The following PLA2G6 variants were observed in gnomAD, a reference collection of about 807,000 sequenced individuals.
PLA2G6 encodes the protein 85/88 kDa calcium-independent phospholipase A2.
A neutral mutation model predicts 83.8 loss-of-function variants in PLA2G6; 62 were observed. The ratio of observed to expected loss-of-function variants is 0.74; its 90% CI spans 0.60 to 0.91. The LOEUF (loss-of-function observed/expected upper bound fraction) is 0.91, where lower values mean the gene tolerates loss of function less well. Ranked by LOEUF, PLA2G6 falls within the 40% of genes least tolerant of loss-of-function variation. The probability of loss-of-function intolerance (pLI) is 0.00; values close to 1 mark genes in which losing one functional copy is unlikely to be tolerated. For synonymous variants in PLA2G6, 417 were observed against 449.8 expected, an observed-to-expected ratio of 0.93 and a Z score of 0.92; for missense variants, 944 against 1,102.0, an observed-to-expected ratio of 0.86 and a Z score of 2.03.
At chr22:38,139,857 G>A in intron 5 of PLA2G6, 125 bp downstream of exon 5, 1 of 770,984 alleles carries the variant, frequency 1.3e-6, no homozygotes, top group South Asian at 1.6e-5. Context: ...GTGAACCCGG[G>A]GCCTCTGCTC....
At chr22:38,152,708 G>A (rs1320835647) in intron 2 of PLA2G6, among the ~76,000 whole-genome samples, 1 of 152,194 alleles carries the variant, frequency 6.6e-6, no homozygotes, top group Non-Finnish European at 1.5e-5. Flanking sequence ...ACAAAAACAG[G>A]TAGTCAATGT....
At chr22:38,143,084 C>T (rs868281222) in intron 4 of PLA2G6, 21 bp downstream of exon 4, 3 of 1,612,684 alleles carry the variant, frequency 1.9e-6, no homozygotes, top group Non-Finnish European at 2.5e-6. Context: ...TACCAGTCAC[C>T]CTGCCCCTCC....
chr22:38,125,106 G>C (rs1450567251), intron 10 of PLA2G6, among the ~76,000 whole-genome samples: 1 of 150,322 alleles, frequency 6.7e-6, no homozygotes, highest in South Asian at 2.1e-4. Flanking sequence ...CCCTGCACAG[G>C]TGTGTGTATG....
In PLA2G6 at chr22:38,174,538, C is replaced by G. The variant is rs556519702; in HGVS notation, c.-45-5067G>C. On this transcript the variant is annotated intron_variant, in intron 1 of 16. Coordinates refer to ENST00000332509, the MANE Select transcript of PLA2G6 (RefSeq NM_003560.4). ...TTCATAAAACAGTCAACAGAGAGAC[C>G]CAAGACCAGTCCCTGTCTCGCCAAG... Among the ~76,000 whole-genome samples, 19 of 152,268 alleles carry G rather than the reference C, an allele frequency of 1.2e-4. No individual in the cohort carries two copies. In the South Asian group the frequency reaches 3.7e-3, roughly 30 times the overall value.
At position 38,129,305 on chromosome 22, in the gene PLA2G6, C is replaced by A. The variant is rs367803981; in HGVS notation, c.1186+149G>T. 67 of 690,372 alleles carry A rather than the reference C, an allele frequency of 9.7e-5. No homozygotes were observed. In the African/African-American group the frequency reaches 1.0e-3, roughly 11 times the overall value. 42.8% of individuals were successfully genotyped at this position (690,372 alleles called of 1,614,324 possible). A position where few individuals can be genotyped will look rare whatever the true frequency, so the allele number is the denominator to read the frequency against. On this transcript the variant is annotated intron_variant, in intron 8 of 16. Coordinates refer to ENST00000332509, the MANE Select transcript of PLA2G6 (RefSeq NM_003560.4). ...CCTTGTGCTTGGGTAAGGAAGCCCC[C>A]TCTCTGAGTACGAGGTGCTCCTGGC...
At chr22:38,143,343 G>T in intron 3 of PLA2G6, 55 bp from the exon 4 acceptor site, 1 of 1,558,132 alleles carries the variant, frequency 6.4e-7, no homozygotes, top group African/African-American at 1.3e-5. Flanking sequence ...CAAGGTGGCA[G>T]GGGGACCTAA....
intron 15 of PLA2G6, 62 bp from the exon 16 acceptor site, chr22:38,112,639 G>T: frequency 7.2e-7 from 1 of 1,383,058 alleles, no homozygotes; most frequent in South Asian, 1.2e-5. Context: ...CACCCCGCCC[G>T]GCCCTGCCCT....
chr22:38,124,111 A>G (rs1602100724), intron 10 of PLA2G6, among the ~76,000 whole-genome samples: 1 of 152,168 alleles, frequency 6.6e-6, no homozygotes, highest in Non-Finnish European at 1.5e-5. Flanking sequence ...CTGGGATTAC[A>G]GGCACGAGCC....
In PLA2G6 at chr22:38,135,098, G is replaced by A. The variant is rs376084883; in HGVS notation, c.798-14C>T. ...ATCTCCGCACACCTGGTGAGAGAGG[G>A]GCCCCGGTTGGTGAGCAGAAGCTAG... On this transcript the variant is annotated splice_polypyrimidine_tract_variant and intron_variant, in intron 5 of 16. Transcript: ENST00000332509. The A allele has an allele frequency of 2.3e-5, 37 of 1,602,482 alleles. No homozygotes were observed. In the African/African-American group the frequency reaches 4.4e-4, roughly 19 times the overall value.
intron 1 of PLA2G6, among the ~76,000 whole-genome samples, chr22:38,180,710 A>G (rs1271171823): frequency 6.6e-6 from 1 of 152,138 alleles, no homozygotes; most frequent in Non-Finnish European, 1.5e-5. Context: ...ACAGGGCCAT[A>G]CTGGTTATAA....
chr22:38,158,417 C>T (rs976821310), intron 2 of PLA2G6, among the ~76,000 whole-genome samples: 40 of 152,134 alleles, frequency 2.6e-4, no homozygotes, highest in African/African-American at 4.8e-4. Context: ...GTGATCCACC[C>T]GCCTTGGCCT....
At chr22:38,168,413 C>T (rs1309086914) in intron 2 of PLA2G6, among the ~76,000 whole-genome samples, 1 of 152,242 alleles carries the variant, frequency 6.6e-6, no homozygotes, top group Non-Finnish European at 1.5e-5. Flanking sequence ...TGCCGTTGGC[C>T]CGGTTCCCTC....
chr22:38,133,061 C>G, intron 6 of PLA2G6, 48 bp from the exon 7 acceptor site: 1 of 1,526,042 alleles, frequency 6.6e-7, no homozygotes, highest in Non-Finnish European at 8.8e-7. Context: ...CGGGGAGCTG[C>G]CGCACCCCGG....
At chr22:38,166,730 C>CA (rs1391965757) in intron 2 of PLA2G6, among the ~76,000 whole-genome samples, 1 of 151,712 alleles carries the variant, frequency 6.6e-6, no homozygotes, top group Non-Finnish European at 1.5e-5. Flanking sequence ...CTTAACGTCT[C>CA]AAAAAAATAA....
Position 38,132,448 on chromosome 22 carries a change from T to A in PLA2G6, c.1077+383A>T. 2.9e-6 allele frequency: 1 copy of A among 342,542 alleles called. No individual in the cohort carries two copies. Among genetic ancestry groups the A allele is most frequent in the South Asian group, 2.8e-5 (1 of 35,792 alleles). 21.2% of individuals were successfully genotyped at this position (342,542 alleles called of 1,614,324 possible). A position where few individuals can be genotyped will look rare whatever the true frequency, so the allele number is the denominator to read the frequency against. ...AGGGTGACCAAGTGTCCACCATAAC[T>A]TTTCCACAACTCTTCCAGATAAGTA... On this transcript the variant is annotated intron_variant, in intron 7 of 16. Transcript: ENST00000332509. The surrounding 1 kb of genome is among the most constrained non-coding windows in gnomAD (Gnocchi z 5.0).
intron 2 of PLA2G6, among the ~76,000 whole-genome samples, chr22:38,164,753 G>C (rs2090151755): frequency 6.6e-6 from 1 of 152,102 alleles, no homozygotes; most frequent in African/African-American, 2.4e-5. Flanking sequence ...ACTCTAACAC[G>C]CGTCAAGTAC....
In PLA2G6 at chr22:38,117,577, A is replaced by G. The variant is rs138866109; in HGVS notation, c.1743-1366T>C. ...GCACCAGTAAGAGAGAGTAGGCCTC[A>G]AACAGGTATTTGCACATCCGACATT... On this transcript the variant is annotated intron_variant, in intron 12 of 16. Coordinates refer to ENST00000332509, the MANE Select transcript of PLA2G6 (RefSeq NM_003560.4). Among the ~76,000 whole-genome samples the G allele has an allele frequency of 1.8e-4, 28 of 152,378 alleles. 1 individual carries two copies. In the East Asian group the frequency reaches 3.7e-3, roughly 20 times the overall value.
At chr22:38,131,975 C>A (rs929648813) in intron 7 of PLA2G6, 1 of 346,416 alleles carries the variant, frequency 2.9e-6, no homozygotes, top group East Asian at 1.0e-4. Context: ...ATTAGCTGGG[C>A]ATGGTGGCAC....
intron 12 of PLA2G6, among the ~76,000 whole-genome samples, chr22:38,117,754 ATGGCCGGGCACGGTGGCTCACCCC>A (rs2087290135): frequency 6.6e-6 from 1 of 151,942 alleles, no homozygotes; most frequent in African/African-American, 2.4e-5. Flanking sequence ...TAAGCCAGTC[ATGGCCGGGCACGGTGGCTCACCCC>A]TGTAATCCCA....
Sources: allele counts gnomAD v4.1 joint callset (sites outside exome capture counted in the v4.1 genomes callset), GRCh38; gene constraint gnomAD v4.1.1; non-coding constraint Gnocchi (gnomAD v3.1); transcripts MANE v1.5; gene names NCBI Gene and HGNC (gene_info 2026-07-23, HGNC 2026-07-21).